QTMAN: variants seen among roughly 807,000 people sequenced by gnomAD.
QTMAN encodes the protein queuosine-tRNA mannosyltransferase, also known as tRNA-queuosine alpha-mannosyltransferase.
At chr2:143,982,535 A>T in the QTMAN span, among the ~76,000 whole-genome samples, 1 of 149,966 alleles carries the variant, frequency 6.7e-6, no homozygotes. Flanking sequence ...ATGCCTGGCC[A>T]CCAGAACAAT....
chr2:144,095,775 T>C, the QTMAN span, among the ~76,000 whole-genome samples: 1 of 152,176 alleles, frequency 6.6e-6, no homozygotes, highest in South Asian at 2.1e-4. Context: ...GGTTTTATGG[T>C]TTTTCTAATT....
the QTMAN span, among the ~76,000 whole-genome samples, chr2:144,047,394 C>T: frequency 1.3e-5 from 2 of 152,180 alleles, no homozygotes; most frequent in Non-Finnish European, 2.9e-5. Context: ...CAAAACACAA[C>T]ATGAAAGTAA....
chr2:144,289,293 C>T, the QTMAN span, among the ~76,000 whole-genome samples: 1 of 152,178 alleles, frequency 6.6e-6, no homozygotes, highest in African/African-American at 2.4e-5. Context: ...TCACAAAGTG[C>T]TGGAATTACA....
At chr2:144,079,876 G>C in the QTMAN span, among the ~76,000 whole-genome samples, 15 of 152,144 alleles carry the variant, frequency 9.9e-5, no homozygotes, top group Admixed American at 9.2e-4. Flanking sequence ...TACATTAACA[G>C]GACATTACAT....
At chr2:143,975,166 T>C in the QTMAN span, among the ~76,000 whole-genome samples, 1 of 152,240 alleles carries the variant, frequency 6.6e-6, no homozygotes, top group Non-Finnish European at 1.5e-5. Context: ...TTCCATGTGT[T>C]TTTTATTCCT....
the QTMAN span, among the ~76,000 whole-genome samples, chr2:144,119,168 G>T: frequency 6.6e-6 from 1 of 152,124 alleles, no homozygotes; most frequent in Non-Finnish European, 1.5e-5. Flanking sequence ...ATTAATGCAG[G>T]ATTAATTCCC....
At chr2:143,952,821 A>G in the QTMAN span, 1 of 1,608,600 alleles carries the variant, frequency 6.2e-7, no homozygotes, top group Non-Finnish European at 8.5e-7. Context: ...AGTGGGTAAC[A>G]CCCACAGTAC....
chr2:143,980,543 T>G, the QTMAN span, among the ~76,000 whole-genome samples: 2 of 152,180 alleles, frequency 1.3e-5, no homozygotes, highest in Non-Finnish European at 2.9e-5. Context: ...CATCTTTGTA[T>G]TCCTTCCTCC....
At chr2:143,999,965 T>C in the QTMAN span, among the ~76,000 whole-genome samples, 1 of 152,052 alleles carries the variant, frequency 6.6e-6, no homozygotes. Flanking sequence ...ACATGGTGTG[T>C]TAAAATGTTA....
At chr2:144,092,509 C>T in the QTMAN span, among the ~76,000 whole-genome samples, 2 of 152,086 alleles carry the variant, frequency 1.3e-5, no homozygotes, top group Admixed American at 6.5e-5. Flanking sequence ...TTACTGTCTA[C>T]CAATTTACCT....
chr2:143,998,509 TA>T, the QTMAN span, among the ~76,000 whole-genome samples: 387 of 137,086 alleles, frequency 2.8e-3, no homozygotes, highest in Middle Eastern at 0.011. Flanking sequence ...ACTGACCGAG[TA>T]AAAAAAAAAA....
chr2:143,977,257 A>G, the QTMAN span, among the ~76,000 whole-genome samples: 1 of 152,170 alleles, frequency 6.6e-6, no homozygotes, highest in African/African-American at 2.4e-5. Flanking sequence ...CTCAACCAAA[A>G]AAAAGGAGCA....
chr2:144,067,222 A>G, the QTMAN span, among the ~76,000 whole-genome samples: 1 of 152,246 alleles, frequency 6.6e-6, no homozygotes, highest in Non-Finnish European at 1.5e-5. Context: ...AAGGACTAGG[A>G]TTTAAAACTA....
the QTMAN span, among the ~76,000 whole-genome samples, chr2:144,139,636 A>G: frequency 2.0e-5 from 3 of 152,092 alleles, no homozygotes; most frequent in Non-Finnish European, 4.4e-5. Flanking sequence ...ATACACTCTC[A>G]TGCTACTATT....
At chr2:144,167,396 T>C in the QTMAN span, among the ~76,000 whole-genome samples, 2 of 152,164 alleles carry the variant, frequency 1.3e-5, no homozygotes, top group Non-Finnish European at 2.9e-5. Flanking sequence ...TTGGATGCCA[T>C]GCTATTACTT....
chr2:144,136,439 A>AAAGGAAAG, the QTMAN span, among the ~76,000 whole-genome samples: 5 of 49,916 alleles, frequency 1.0e-4, no homozygotes, highest in South Asian at 6.1e-4. Context: ...GGAAAGGAAA[A>AAAGGAAAG]GAAAGGAAAG....
At chr2:144,012,526 C>T in the QTMAN span, among the ~76,000 whole-genome samples, 4 of 152,138 alleles carry the variant, frequency 2.6e-5, no homozygotes, top group South Asian at 8.3e-4. Context: ...ATAAGGTTAA[C>T]ACAAAACAAG....
chr2:144,277,102 G>A, the QTMAN span, among the ~76,000 whole-genome samples: 1 of 152,174 alleles, frequency 6.6e-6, no homozygotes, highest in Non-Finnish European at 1.5e-5. Flanking sequence ...CTAGCCACAT[G>A]TAGCTTGAGT....
the QTMAN span, among the ~76,000 whole-genome samples, chr2:144,250,771 A>G: frequency 6.6e-6 from 1 of 151,682 alleles, no homozygotes; most frequent in South Asian, 2.1e-4. Context: ...AAAAAAAAAA[A>G]ACCTGTGCCA....
Sources: allele counts gnomAD v4.1 joint callset (sites outside exome capture counted in the v4.1 genomes callset), GRCh38; gene constraint gnomAD v4.1.1; transcripts MANE v1.5; gene names NCBI Gene and HGNC (gene_info 2026-07-23, HGNC 2026-07-21).